Variants in SLC30A2 observed in about 807,000 individuals in gnomAD.
SLC30A2 encodes proton-coupled zinc antiporter SLC30A2.
In SLC30A2, 19 loss-of-function variants were observed where a neutral mutation model predicts 39.6. The observed-to-expected ratio is 0.48, with a 90% confidence interval of 0.34 to 0.70. The LOEUF is 0.70. SLC30A2 is among the 30% of genes least tolerant of loss of function. SLC30A2 has a pLI of 0.01. For missense variants in SLC30A2, 387 were observed against 479.4 expected, an observed-to-expected ratio of 0.81 and a Z score of 1.80; for synonymous variants, 195 against 194.8, an observed-to-expected ratio of 1.00 and a Z score of -0.01.
At chr1:26,043,351 G>T (rs761454244) in intron 4 of SLC30A2, 47 bp downstream of exon 4, 4 of 1,583,224 alleles carry the variant, frequency 2.5e-6, no homozygotes, top group Non-Finnish European at 3.5e-6. Context: ...GTGGGTGTGA[G>T]AGGCGGGAGG....
chr1:26,043,542 C>T lies in SLC30A2; in HGVS notation c.428G>A (p.Gly143Glu). Residue 143 changes from glycine (G) to glutamate (E), a missense_variant, in exon 4 of 8, where the codon GGA becomes GAA. By Grantham distance (98) the Gly-to-Glu change is moderately conservative. Coordinates refer to ENST00000374276, the MANE Select transcript of SLC30A2 (RefSeq NM_001004434.3). ...GATGGACAGTACAGAGACCAGGGCT[C>T]CCAAGATCTCTGAGGAAGAACCCAA... The part of the protein sequence containing the change: ...NFGWQRAEIL[G>E]ALVSVLSIWV... 1 of 1,613,702 alleles carries T rather than the reference C, an allele frequency of 6.2e-7. No homozygotes were observed. The highest frequency in any genetic ancestry group is 1.1e-5 in the South Asian group (1 of 91,048).
rs779896941 is a variant in SLC30A2 at position 26,043,447 on chromosome 1, C to A, written c.523G>T (p.Gly175Trp). 2 of 1,614,044 alleles carry A rather than the reference C, an allele frequency of 1.2e-6. No homozygotes were observed. The highest frequency in any genetic ancestry group is 1.3e-5 in the African/African-American group (1 of 74,926). ...RLISGDYEID[G>W]GTMLITSGCA... ...CCCGACGTGATCAGCATGGTCCCCC[C>A]GTCAATTTCATAGTCCCCAGAGATC... The change falls in exon 4 of 8, where the codon GGG becomes TGG. Residue 175 changes from glycine to tryptophan, a missense_variant. Physicochemically the swap from Gly to Trp is radical, Grantham distance 184. Coordinates refer to ENST00000374276, the MANE Select transcript of SLC30A2 (RefSeq NM_001004434.3).
rs2050413874 is a variant in SLC30A2, at chr1:26,042,809, A to G, written c.573-101T>C. On this transcript the variant is annotated intron_variant, in intron 4 of 7. Coordinates refer to ENST00000374276, the MANE Select transcript of SLC30A2 (RefSeq NM_001004434.3). Reference sequence around the variant, plus strand: ...TAGGGCAAAAATCTCAAGCCCCTAAACCTTGTGATCTCTTTGGCCATGTGA... The same window carrying G: ...TAGGGCAAAAATCTCAAGCCCCTAAGCCTTGTGATCTCTTTGGCCATGTGA... 24 of 1,041,636 alleles carry G rather than the reference A, an allele frequency of 2.3e-5. No homozygotes were observed. The South Asian group carries it at 3.2e-4, about 14-fold the overall frequency. 64.5% of individuals were successfully genotyped at this position (1,041,636 alleles called of 1,614,324 possible).
chr1:26,040,796 A>G (rs1275750149), intron 6 of SLC30A2, among the ~76,000 whole-genome samples: 2 of 152,054 alleles, frequency 1.3e-5, no homozygotes, highest in Admixed American at 1.3e-4. Context: ...GAGCATAAGA[A>G]AGCCAAGGTG....
Position 26,039,907 on chromosome 1 carries a change from G to T in SLC30A2, c.843C>A (p.Thr281=), listed in dbSNP as rs1256642039. 1.2e-6 allele frequency: 2 copies of T among 1,613,878 alleles called. No homozygotes were observed. The highest frequency in any genetic ancestry group is 2.2e-5 in the South Asian group (2 of 91,078). Residue 281 remains threonine (T), a synonymous_variant, in exon 7 of 8, where the codon ACC becomes ACA. Coordinates refer to ENST00000374276, the MANE Select transcript of SLC30A2 (RefSeq NM_001004434.3). The surrounding 1 kb of genome is among the most constrained non-coding windows in gnomAD (Gnocchi z 4.3). ...RDVILVLMEG[T]PKGVDFTAVR... ...CAGCTGTGAAGTCAACGCCCTTGGG[G>T]GTCCCTGAGGACGGCAAGGACAGGG...
rs909810467 is a variant in SLC30A2 at position 26,037,782 on chromosome 1, G to A, written c.*1378C>T. Reference sequence around the variant, plus strand: ...ACCTACCTAGAACACAGGCGATCAGGATGACAGTGCTGGGAAGGCACAAAG... The same window carrying A: ...ACCTACCTAGAACACAGGCGATCAGAATGACAGTGCTGGGAAGGCACAAAG... On this transcript the variant is annotated 3_prime_UTR_variant, in exon 8 of 8. Coordinates refer to ENST00000374276, the MANE Select transcript of SLC30A2 (RefSeq NM_001004434.3). 1 of 152,256 alleles carries A rather than the reference G, an allele frequency of 6.6e-6. No homozygotes were observed. Among genetic ancestry groups the A allele is most frequent in the Non-Finnish European group, 1.5e-5 (1 of 68,070 alleles). 9.4% of individuals were successfully genotyped at this position (152,256 alleles called of 1,614,324 possible).
chr1:26,043,496 C>CATGTGAGA lies in SLC30A2; in HGVS notation c.473_474insTCTCACAT (p.Val159LeufsTer11), dbSNP rs1313007223. On this transcript the variant is annotated frameshift_variant, in exon 4 of 8. Coordinates refer to ENST00000374276, the MANE Select transcript of SLC30A2 (RefSeq NM_001004434.3). LOFTEE classifies it high-confidence loss of function. The stretch of plus-strand genomic sequence containing the variant: ...TCAGCCGCTCCACAGCCAGGTACAC[C>CATGTGAGA]AGTACCCCCGTCACGACCCAGATGG... The CATGTGAGA allele has an allele frequency of 3.7e-6, 6 of 1,614,010 alleles. No individual in the cohort carries two copies. Among genetic ancestry groups the CATGTGAGA allele is most frequent in the Non-Finnish European group, 5.1e-6 (6 of 1,179,914 alleles).
In SLC30A2 at chr1:26,044,341, G is replaced by T; in HGVS notation, c.375C>A (p.Ser125=). 1 of 1,614,048 alleles carries T rather than the reference G, an allele frequency of 6.2e-7. No homozygotes were observed. The highest frequency in any genetic ancestry group is 8.5e-7 in the Non-Finnish European group (1 of 1,179,984). The change falls in exon 3 of 8, where the codon TCC becomes TCA. Residue 125 remains serine, a synonymous_variant. Coordinates refer to ENST00000374276, the MANE Select transcript of SLC30A2 (RefSeq NM_001004434.3). ...LISLFSLWMS[S]RPATKTMNFG... ...AGTTCATGGTCTTGGTGGCTGGCCG[G>T]GAGGACATCCAGAGGGAGAAGAGGC...
chr1:26,038,997 G>C lies in SLC30A2; in HGVS notation c.*163C>G, dbSNP rs2050369011. ...TCCCCACCCTGGCTGTAGTCAGATG[G>C]GAGGCTGGGAAGAGCTCCATTCCTG... On this transcript the variant is annotated 3_prime_UTR_variant, in exon 8 of 8. Coordinates refer to ENST00000374276, the MANE Select transcript of SLC30A2 (RefSeq NM_001004434.3). The C allele has an allele frequency of 7.1e-7, 1 of 1,402,492 alleles. No homozygotes were observed. Among genetic ancestry groups the C allele is most frequent in the Admixed American group, 2.8e-5 (1 of 35,346 alleles). The allele number at this position is 1,402,492 out of a possible 1,614,324, so 86.9% of individuals were successfully genotyped here.
intron 3 of SLC30A2, 106 bp downstream of exon 3, chr1:26,044,192 C>A: frequency 8.4e-7 from 1 of 1,193,996 alleles, no homozygotes. Flanking sequence ...CTCCTGGCCT[C>A]ACTCAGGGGA....
At position 26,039,910 on chromosome 1, in the gene SLC30A2, C is replaced by T. The variant is rs200846211; in HGVS notation, c.840G>A (p.Gly280=). The T allele has an allele frequency of 1.9e-6, 3 of 1,613,872 alleles. No homozygotes were observed. The highest frequency in any genetic ancestry group is 2.2e-5 in the South Asian group (2 of 91,072). The change falls in exon 7 of 8, where the codon GGG becomes GGA. Residue 280 remains glycine (G), a splice_region_variant and synonymous_variant. Transcript: ENST00000374276. This position sits in a 1 kb window ranked among gnomAD's most constrained non-coding sequence, Gnocchi z 4.3. The part of the protein sequence containing the change: ...LRDVILVLME[G]TPKGVDFTAV... Reference sequence around the variant, plus strand: ...CTGTGAAGTCAACGCCCTTGGGGGTCCCTGAGGACGGCAAGGACAGGGGAA... The same window carrying T: ...CTGTGAAGTCAACGCCCTTGGGGGTTCCTGAGGACGGCAAGGACAGGGGAA...
chr1:26,037,254 G>A lies in SLC30A2; in HGVS notation c.*1906C>T, dbSNP rs1412431923. On this transcript the variant is annotated 3_prime_UTR_variant, in exon 8 of 8. Transcript: ENST00000374276. ...TTTTTTTTTTTTTTTTTTTTTTTAA[G>A]CTGGAGTCTCGCTCTGTCACCCAGG... The A allele has an allele frequency of 2.7e-5, 3 of 112,800 alleles. No individual in the cohort carries two copies. Among genetic ancestry groups the A allele is most frequent in the African/African-American group, 8.0e-5 (2 of 25,138 alleles). The allele number at this position is 112,800 out of a possible 1,614,324, so 7.0% of individuals were successfully genotyped here. A position where few individuals can be genotyped will look rare whatever the true frequency, so the allele number is the denominator to read the frequency against.
chr1:26,041,053 C>T (rs1426238836), intron 6 of SLC30A2, among the ~76,000 whole-genome samples: 4 of 151,612 alleles, frequency 2.6e-5, no homozygotes, highest in Admixed American at 2.6e-4. Context: ...GCCTTGGTGG[C>T]ACCACTGCAC....
intron 1 of SLC30A2, chr1:26,045,523 C>T: frequency 1.7e-6 from 1 of 592,416 alleles, no homozygotes; most frequent in South Asian, 2.0e-5. Context: ...AGCAGGCCCC[C>T]TCCAGCGCAC....
intron 1 of SLC30A2, 157 bp from the exon 2 acceptor site, chr1:26,045,374 C>T (rs1016441144): frequency 3.1e-6 from 2 of 645,314 alleles, no homozygotes; most frequent in Non-Finnish European, 5.3e-6. Flanking sequence ...TGTATTCAGA[C>T]GGGGATGATA....
chr1:26,041,289 T>G (rs1018824553), intron 6 of SLC30A2, among the ~76,000 whole-genome samples: 5 of 152,176 alleles, frequency 3.3e-5, no homozygotes, highest in African/African-American at 1.2e-4. Context: ...TGTCCTTCTC[T>G]GAGCCTCAGT....
chr1:26,041,660 A>T, intron 6 of SLC30A2, 40 bp downstream of exon 6: 1 of 1,207,124 alleles, frequency 8.3e-7, no homozygotes, highest in Non-Finnish European at 1.2e-6. Context: ...TTAGCGCTTG[A>T]GAGCCAAGAG....
chr1:26,044,471 T>G (rs756834249), intron 2 of SLC30A2, 27 bp from the exon 3 acceptor site: 1 of 1,606,386 alleles, frequency 6.2e-7, no homozygotes, highest in East Asian at 2.2e-5. Context: ...CCTTATCAGC[T>G]CCCCCAGAGA....
chr1:26,045,223 C>G lies in SLC30A2; in HGVS notation c.51-6G>C. 1 of 1,606,464 alleles carries G rather than the reference C, an allele frequency of 6.2e-7. No individual in the cohort carries two copies. The highest frequency in any genetic ancestry group is 8.5e-7 in the Non-Finnish European group (1 of 1,175,420). ...ACAGAGATCCCGTGTATGACCTGGC[C>G]AGAGGGGAAGAGAGGGAACGCTCAG... On this transcript the variant is annotated splice_region_variant and splice_polypyrimidine_tract_variant and intron_variant, in intron 1 of 7. Transcript: ENST00000374276.
Sources: allele counts gnomAD v4.1 joint callset (sites outside exome capture counted in the v4.1 genomes callset), GRCh38; gene constraint gnomAD v4.1.1; non-coding constraint Gnocchi (gnomAD v3.1); transcripts MANE v1.5; gene names NCBI Gene and HGNC (gene_info 2026-07-23, HGNC 2026-07-21).